The following NYAP2 variants were observed in gnomAD, a reference collection of about 807,000 sequenced individuals.
The protein encoded by NYAP2 is neuronal tyrosine-phosphorylated phosphoinositide-3-kinase adaptor 2.
A neutral mutation model predicts 50.4 loss-of-function variants in NYAP2; 23 were observed. The ratio of observed to expected loss-of-function variants is 0.46; its 90% CI spans 0.33 to 0.65. The LOEUF (loss-of-function observed/expected upper bound fraction) is 0.65. Among genes scored for constraint, NYAP2 ranks in the 30% least tolerant of loss-of-function variants. The probability of loss-of-function intolerance (pLI) is 0.02; values close to 1 mark genes in which losing one functional copy is unlikely to be tolerated. For synonymous variants in NYAP2, 394 were observed against 365.2 expected, an observed-to-expected ratio of 1.08 and a Z score of -0.90; for missense variants, 885 against 861.0, an observed-to-expected ratio of 1.03 and a Z score of -0.35.
chr2:225,628,315 GTTTTTT>G (rs543647777), intron 6 of NYAP2, among the ~76,000 whole-genome samples: 3 of 109,418 alleles, frequency 2.7e-5, no homozygotes, highest in East Asian at 2.8e-4. Flanking sequence ...AGAACACATA[GTTTTTT>G]TTTTTTTTTT....
At chr2:225,496,913 G>T (rs1438309900) in intron 3 of NYAP2, among the ~76,000 whole-genome samples, 1 of 152,038 alleles carries the variant, frequency 6.6e-6, no homozygotes, top group African/African-American at 2.4e-5. Context: ...TTGTAATGGA[G>T]AATTTTTTTT....
At chr2:225,572,706 G>A (rs373370448) in intron 4 of NYAP2, among the ~76,000 whole-genome samples, 4 of 152,280 alleles carry the variant, frequency 2.6e-5, no homozygotes, top group South Asian at 4.1e-4. Context: ...CTTTCTCATC[G>A]AATCTGAACT....
At chr2:225,535,437 A>G (rs1574663839) in intron 4 of NYAP2, among the ~76,000 whole-genome samples, 1 of 152,222 alleles carries the variant, frequency 6.6e-6, no homozygotes, top group Non-Finnish European at 1.5e-5. Flanking sequence ...AGTGGCAAAA[A>G]CAGTTGCTAC....
intron 5 of NYAP2, among the ~76,000 whole-genome samples, chr2:225,604,350 C>T (rs1420825312): frequency 6.6e-6 from 1 of 152,094 alleles, no homozygotes; most frequent in African/African-American, 2.4e-5. Flanking sequence ...ATTAGTGATT[C>T]CCTATTCTAC....
At chr2:225,646,216 A>G (rs1559239381) in intron 6 of NYAP2, among the ~76,000 whole-genome samples, 1 of 152,190 alleles carries the variant, frequency 6.6e-6, no homozygotes, top group East Asian at 1.9e-4. Flanking sequence ...CTGAAAGAAG[A>G]GCCAAAATAA....
the NYAP2 span, among the ~76,000 whole-genome samples, chr2:225,664,256 G>T: frequency 4.6e-5 from 7 of 151,996 alleles, no homozygotes; most frequent in Non-Finnish European, 1.0e-4. Context: ...AATGCTTTTT[G>T]CATTTTTCCA....
At chr2:225,686,851 G>C in the NYAP2 span, among the ~76,000 whole-genome samples, 2 of 152,106 alleles carry the variant, frequency 1.3e-5, no homozygotes, top group Non-Finnish European at 2.9e-5. Flanking sequence ...TGGTAGTGAT[G>C]ACAACAATGA....
chr2:225,528,770 T>C (rs185143287), intron 4 of NYAP2, among the ~76,000 whole-genome samples: 1 of 152,352 alleles, frequency 6.6e-6, no homozygotes, highest in East Asian at 1.9e-4. Flanking sequence ...CCCTGGATTG[T>C]AGGGATTGGT....
chr2:225,479,024 A>T (rs148782397), intron 3 of NYAP2, among the ~76,000 whole-genome samples: 35 of 152,326 alleles, frequency 2.3e-4, no homozygotes, highest in Non-Finnish European at 4.1e-4. Context: ...TGGTGTTAAT[A>T]TGTTTTAAAA....
intron 3 of NYAP2, among the ~76,000 whole-genome samples, chr2:225,457,992 T>G (rs1162711310): frequency 1.3e-5 from 2 of 152,120 alleles, no homozygotes; most frequent in Admixed American, 6.5e-5. Flanking sequence ...TTTTTGGGCT[T>G]TAGTTCTATC....
At chr2:225,519,308 C>T (rs1357617534) in intron 4 of NYAP2, among the ~76,000 whole-genome samples, 2 of 150,770 alleles carry the variant, frequency 1.3e-5, no homozygotes, top group African/African-American at 4.9e-5. Context: ...TTTTAGGGTA[C>T]ATGCGCACAA....
intron 3 of NYAP2, among the ~76,000 whole-genome samples, chr2:225,431,307 C>T (rs778682735): frequency 5.3e-5 from 8 of 152,288 alleles, no homozygotes; most frequent in South Asian, 2.1e-4. Flanking sequence ...CATCAACAAA[C>T]GGTAGACCGT....
At chr2:225,610,306 G>T (rs1346411081) in intron 5 of NYAP2, among the ~76,000 whole-genome samples, 1 of 152,048 alleles carries the variant, frequency 6.6e-6, no homozygotes, top group Non-Finnish European at 1.5e-5. Flanking sequence ...CCACCTTCTT[G>T]TTGGGTGCTC....
At chr2:225,420,797 A>T (rs192062868) in intron 3 of NYAP2, among the ~76,000 whole-genome samples, 1 of 151,714 alleles carries the variant, frequency 6.6e-6, no homozygotes, top group Non-Finnish European at 1.5e-5. Context: ...TTCCTTTTTC[A>T]TATAGTACTT....
At chr2:225,475,990 C>G (rs1690098258) in intron 3 of NYAP2, among the ~76,000 whole-genome samples, 1 of 152,122 alleles carries the variant, frequency 6.6e-6, no homozygotes, top group Admixed American at 6.5e-5. Context: ...GGAGTCAGAA[C>G]CTATTTAATG....
At chr2:225,626,135 GA>G (rs761474361) in intron 5 of NYAP2, among the ~76,000 whole-genome samples, 62 of 152,322 alleles carry the variant, frequency 4.1e-4, no homozygotes, top group Admixed American at 1.3e-3. Flanking sequence ...TTCAGTATCT[GA>G]AATGTTCATA....
Position 225,437,943 on chromosome 2 carries a change from C to T in NYAP2, c.221+28842C>T, listed in dbSNP as rs569553475. Among the ~76,000 whole-genome samples the T allele has an allele frequency of 4.6e-5, 7 of 152,260 alleles. No homozygotes were observed. The South Asian group carries it at 1.5e-3, about 32-fold the overall frequency. On this transcript the variant is annotated intron_variant, in intron 3 of 6. Coordinates refer to ENST00000636099, the Ensembl canonical transcript of NYAP2. Reference sequence around the variant, plus strand: ...CAGACCAGATCATGATAAAGCTTCACCAGTTACTCTGCCTAACAATGATCT... The same window carrying T: ...CAGACCAGATCATGATAAAGCTTCATCAGTTACTCTGCCTAACAATGATCT...
At chr2:225,553,010 A>C (rs1252933869) in intron 4 of NYAP2, among the ~76,000 whole-genome samples, 2 of 152,134 alleles carry the variant, frequency 1.3e-5, no homozygotes, top group African/African-American at 4.8e-5. Context: ...TTTATCAGCC[A>C]CCAAGGCTAT....
At chr2:225,487,110 G>A (rs556255638) in intron 3 of NYAP2, among the ~76,000 whole-genome samples, 2 of 152,312 alleles carry the variant, frequency 1.3e-5, no homozygotes, top group East Asian at 3.9e-4. Context: ...GCTTTCCCTG[G>A]CTGCACTTCC....
Sources: allele counts gnomAD v4.1 joint callset (sites outside exome capture counted in the v4.1 genomes callset), GRCh38; gene constraint gnomAD v4.1.1; transcripts MANE v1.5; gene names NCBI Gene and HGNC (gene_info 2026-07-23, HGNC 2026-07-21).